The following CTNNA2 variants were observed in gnomAD, a reference collection of about 807,000 sequenced individuals.
CTNNA2 encodes the protein catenin alpha 2.
CTNNA2 carries 42 observed loss-of-function variants against 101.0 expected under a neutral mutation model. The ratio of observed to expected loss-of-function variants is 0.42; its 90% CI spans 0.32 to 0.54. CTNNA2 has a LOEUF of 0.54. CTNNA2 is among the 20% of genes least tolerant of loss of function. CTNNA2 has a pLI of 0.14. For missense variants in CTNNA2, 871 were observed against 1,223.1 expected (o/e 0.71, Z 4.29); for synonymous variants, 450 against 456.4 (o/e 0.99, Z 0.18).
intron 2 of CTNNA2, among the ~76,000 whole-genome samples, chr2:79,695,170 A>T (rs1340574747): frequency 6.6e-6 from 1 of 151,776 alleles, no homozygotes; most frequent in Non-Finnish European, 1.5e-5. Context: ...TTGGAAGGTC[A>T]TGGATTTATT....
chr2:79,389,009 T>C (rs1392807019), intron 4 of CTNNA2, among the ~76,000 whole-genome samples: 1 of 152,172 alleles, frequency 6.6e-6, no homozygotes, highest in Non-Finnish European at 1.5e-5. Context: ...AGTGCACAGA[T>C]ACATAGAAAG....
At chr2:79,238,031 G>T (rs1400999048) in intron 2 of CTNNA2, among the ~76,000 whole-genome samples, 1 of 152,146 alleles carries the variant, frequency 6.6e-6, no homozygotes, top group Admixed American at 6.5e-5. Flanking sequence ...TAGCTGTTTG[G>T]TGCAAGAGCC....
chr2:80,254,368 A>C (rs2149111149), intron 7 of CTNNA2, among the ~76,000 whole-genome samples: 1 of 152,274 alleles, frequency 6.6e-6, no homozygotes, highest in South Asian at 2.1e-4. Context: ...AGAAACTAAA[A>C]GTTGGGAAGA....
At chr2:80,321,153 T>C (rs149435127) in intron 7 of CTNNA2, among the ~76,000 whole-genome samples, 70 of 152,260 alleles carry the variant, frequency 4.6e-4, no homozygotes, top group African/African-American at 1.5e-3. Flanking sequence ...AGAAATGATA[T>C]AAGAAAAGTT....
chr2:79,946,453 C>T (rs1270006189), intron 7 of CTNNA2, among the ~76,000 whole-genome samples: 1 of 152,024 alleles, frequency 6.6e-6, no homozygotes, highest in African/African-American at 2.4e-5. Flanking sequence ...ATTACTTTGC[C>T]CCATGAAGGA....
intron 3 of CTNNA2, among the ~76,000 whole-genome samples, chr2:79,783,223 A>C (rs1278902378): frequency 6.6e-6 from 1 of 152,186 alleles, no homozygotes; most frequent in Non-Finnish European, 1.5e-5. Flanking sequence ...AATGGTGGCC[A>C]GGGACAGAAT....
chr2:79,824,625 T>G lies in CTNNA2; in HGVS notation c.299-33388T>G, dbSNP rs994319221. Among the ~76,000 whole-genome samples the G allele has an allele frequency of 2.7e-5, 4 of 150,296 alleles. No individual in the cohort carries two copies. The Admixed American group carries it at 2.7e-4, about 10-fold the overall frequency. On this transcript the variant is annotated intron_variant, in intron 3 of 18. Coordinates refer to ENST00000402739, the MANE Select transcript of CTNNA2 (RefSeq NM_001282597.3). ...TTTTCAACTTATGTAAAAGTAAAAATCAATCTAAATGATCTTACACAAGAT... is the reference window on the plus strand; with the variant it reads ...TTTTCAACTTATGTAAAAGTAAAAAGCAATCTAAATGATCTTACACAAGAT...
chr2:79,831,201 AT>A (rs894435647), intron 3 of CTNNA2, among the ~76,000 whole-genome samples: 12 of 151,492 alleles, frequency 7.9e-5, no homozygotes, highest in South Asian at 2.1e-4. Flanking sequence ...GTAGATTAAG[AT>A]TTTTTTTTAC....
At chr2:79,997,330 A>G (rs929558614) in intron 7 of CTNNA2, among the ~76,000 whole-genome samples, 8 of 151,910 alleles carry the variant, frequency 5.3e-5, no homozygotes, top group African/African-American at 1.7e-4. Context: ...AGAGGGAGGG[A>G]GGGAAGGAAG....
intron 7 of CTNNA2, among the ~76,000 whole-genome samples, chr2:80,389,254 G>A (rs985560069): frequency 4.6e-5 from 7 of 151,866 alleles, no homozygotes; most frequent in Middle Eastern, 6.3e-3. Context: ...GTGATTGATC[G>A]TCCTGCTAAC....
At chr2:79,649,432 A>C (rs1472612789) in intron 1 of CTNNA2, 1 of 154,786 alleles carries the variant, frequency 6.5e-6, no homozygotes, top group African/African-American at 2.4e-5. Context: ...AAAGGTTCTC[A>C]GGGAACTTCT....
In CTNNA2 at chr2:79,251,661, G is replaced by A. The variant is rs1009337356; in HGVS notation, c.-406+53585G>A. On this transcript the variant is annotated intron_variant, in intron 2 of 21. Coordinates refer to the CTNNA2 transcript ENST00000466387. The stretch of plus-strand genomic sequence containing the variant: ...TCAGAGGCCCACATGGTAAAGAACC[G>A]ATGAAGACCTGAGGTCTGCCTATAG... Among the ~76,000 whole-genome samples the A allele has an allele frequency of 3.9e-5, 6 of 152,072 alleles. No homozygotes were observed. The South Asian group carries it at 6.2e-4, about 16-fold the overall frequency.
intron 7 of CTNNA2, among the ~76,000 whole-genome samples, chr2:80,131,051 T>G (rs1427958871): frequency 1.3e-5 from 2 of 152,062 alleles, no homozygotes; most frequent in Non-Finnish European, 1.5e-5. Context: ...TTTCCTGTTT[T>G]TTTGTTTGTT....
intron 11 of CTNNA2, among the ~76,000 whole-genome samples, chr2:80,548,506 G>A (rs1692289776): frequency 6.6e-6 from 1 of 151,866 alleles, no homozygotes; most frequent in African/African-American, 2.4e-5. Context: ...TTTTCTCCTT[G>A]TCATTCCTTT....
intron 7 of CTNNA2, among the ~76,000 whole-genome samples, chr2:80,142,826 G>C (rs1703093924): frequency 6.6e-6 from 1 of 152,066 alleles, no homozygotes; most frequent in Admixed American, 6.6e-5. Context: ...ACCCATGACT[G>C]TATTCTCTCC....
At chr2:80,076,173 C>T (rs534069248) in intron 7 of CTNNA2, among the ~76,000 whole-genome samples, 34 of 152,166 alleles carry the variant, frequency 2.2e-4, no homozygotes, top group South Asian at 1.0e-3. Context: ...AAGGCCTCTT[C>T]GGTGTTTAGC....
At chr2:80,132,945 T>C (rs1702494331) in intron 7 of CTNNA2, among the ~76,000 whole-genome samples, 1 of 152,218 alleles carries the variant, frequency 6.6e-6, no homozygotes, top group Non-Finnish European at 1.5e-5. Flanking sequence ...TGGATTGAAC[T>C]GTGTGCCCCT....
chr2:80,358,975 G>C (rs75154440), intron 7 of CTNNA2, among the ~76,000 whole-genome samples: 1,665 of 151,596 alleles, frequency 0.011, 18 homozygotes, highest in South Asian at 0.057. Context: ...TCCTATCACA[G>C]AAATTGATTC....
At chr2:80,553,255 T>C (rs999766695) in intron 11 of CTNNA2, among the ~76,000 whole-genome samples, 4 of 151,696 alleles carry the variant, frequency 2.6e-5, no homozygotes, top group African/African-American at 7.3e-5. Flanking sequence ...TAAAATAAAA[T>C]TAGTCAATTA....
Sources: allele counts gnomAD v4.1 joint callset (sites outside exome capture counted in the v4.1 genomes callset), GRCh38; gene constraint gnomAD v4.1.1; transcripts MANE v1.5; gene names NCBI Gene and HGNC (gene_info 2026-07-23, HGNC 2026-07-21).